The following RGS6 variants were observed in gnomAD, a reference collection of about 807,000 sequenced individuals.
RGS6 encodes regulator of G protein signaling 6.
A neutral mutation model predicts 78.5 loss-of-function variants in RGS6; 30 were observed. The ratio of observed to expected loss-of-function variants is 0.38; its 90% CI spans 0.29 to 0.52. The LOEUF is 0.52. RGS6 is among the 20% of genes least tolerant of loss of function. The pLI is 0.85. For synonymous variants in RGS6, 206 were observed against 206.0 expected, an observed-to-expected ratio of 1.00 and a Z score of 0.00; for missense variants, 495 against 609.7, an observed-to-expected ratio of 0.81 and a Z score of 1.98.
chr14:72,178,574 G>T (rs917420891), intron 2 of RGS6, among the ~76,000 whole-genome samples: 1 of 152,226 alleles, frequency 6.6e-6, no homozygotes, highest in African/African-American at 2.4e-5. Context: ...AGGTCAGTTT[G>T]TCTTTCTATT....
chr14:72,043,936 C>T (rs2092635411), intron 2 of RGS6, among the ~76,000 whole-genome samples: 1 of 152,162 alleles, frequency 6.6e-6, no homozygotes, highest in South Asian at 2.1e-4. Context: ...CCTACTCCTC[C>T]TCTTCCTTGT....
intron 2 of RGS6, among the ~76,000 whole-genome samples, chr14:72,150,248 T>C (rs1191103487): frequency 6.6e-6 from 1 of 152,100 alleles, no homozygotes; most frequent in African/African-American, 2.4e-5. Context: ...CTTGGAGTTA[T>C]GCATCTAGAA....
chr14:72,298,101 C>T (rs1260728852), intron 2 of RGS6, among the ~76,000 whole-genome samples: 1 of 152,052 alleles, frequency 6.6e-6, no homozygotes, highest in Non-Finnish European at 1.5e-5. Flanking sequence ...TCAAGAACTA[C>T]ATTATGGTGG....
chr14:71,965,778 CTG>C (rs34192889), intron 2 of RGS6, among the ~76,000 whole-genome samples: 2,577 of 152,192 alleles, frequency 0.017, 71 homozygotes, highest in African/African-American at 0.057. Context: ...ATTTCTGTGT[CTG>C]TGTGAAAGGT....
At chr14:72,599,409 T>TTG in the RGS6 span, among the ~76,000 whole-genome samples, 11 of 117,012 alleles carry the variant, frequency 9.4e-5, no homozygotes, top group South Asian at 3.2e-4. Flanking sequence ...TTTTTTTTTT[T>TTG]TTTTTTTTTT....
intron 2 of RGS6, among the ~76,000 whole-genome samples, chr14:72,052,949 CTT>C (rs1387767043): frequency 8.3e-5 from 3 of 36,096 alleles, no homozygotes; most frequent in African/African-American, 6.4e-4. Flanking sequence ...TTCTTTCTTT[CTT>C]TCTTTCTTTC....
chr14:72,192,712 G>A (rs1313309376), intron 2 of RGS6, among the ~76,000 whole-genome samples: 2 of 152,148 alleles, frequency 1.3e-5, no homozygotes, highest in Non-Finnish European at 2.9e-5. Context: ...ATAAATAAAG[G>A]CAATAAAAGA....
the RGS6 span, among the ~76,000 whole-genome samples, chr14:71,914,842 A>T: frequency 2.6e-5 from 4 of 151,984 alleles, no homozygotes; most frequent in East Asian, 3.9e-4. Context: ...TTGTGCTCAC[A>T]AAGAAAACAG....
At chr14:71,871,017 T>C in the RGS6 span, among the ~76,000 whole-genome samples, 1 of 152,204 alleles carries the variant, frequency 6.6e-6, no homozygotes, top group Non-Finnish European at 1.5e-5. Flanking sequence ...TGAAATCCTC[T>C]GTTTGACAGT....
chr14:72,616,913 G>A, the RGS6 span, among the ~76,000 whole-genome samples: 4 of 152,118 alleles, frequency 2.6e-5, no homozygotes, highest in South Asian at 2.1e-4. Flanking sequence ...TGCTATCCCC[G>A]CTTTCCAGAT....
intron 2 of RGS6, among the ~76,000 whole-genome samples, chr14:72,267,833 A>T (rs1418739165): frequency 6.6e-6 from 1 of 152,216 alleles, no homozygotes; most frequent in African/African-American, 2.4e-5. Context: ...AAAAGAAAAA[A>T]ATGTATTTTT....
chr14:72,106,365 A>C (rs990987035), intron 2 of RGS6, among the ~76,000 whole-genome samples: 3 of 152,202 alleles, frequency 2.0e-5, no homozygotes, highest in Non-Finnish European at 2.9e-5. Context: ...AGATTTACTA[A>C]ATCAGAAACT....
intron 2 of RGS6, among the ~76,000 whole-genome samples, chr14:72,140,256 C>A (rs1393345843): frequency 6.6e-6 from 1 of 152,194 alleles, no homozygotes; most frequent in Non-Finnish European, 1.5e-5. Flanking sequence ...GCAAGATCTC[C>A]TGTAGGAAGA....
chr14:72,186,576 A>T lies in RGS6; in HGVS notation c.85-165519A>T, dbSNP rs143635677. On this transcript the variant is annotated intron_variant, in intron 2 of 17. Transcript: ENST00000553525. ...AGGTGACCTATTTCTGTCTGGGATA[A>T]TAAAAACATTCCAGATGACTGACGC... Among the ~76,000 whole-genome samples, 1,096 of 152,290 alleles carry T rather than the reference A, an allele frequency of 7.2e-3. 36 individuals carry two copies. The highest frequency in any genetic ancestry group is 0.056 in the Admixed American group (850 of 15,290).
intron 2 of RGS6, among the ~76,000 whole-genome samples, chr14:71,980,136 A>G (rs966681208): frequency 2.5e-5 from 3 of 121,254 alleles, no homozygotes; most frequent in East Asian, 2.3e-4. Context: ...CCATCCTTTT[A>G]TTTTGAGCCT....
the RGS6 span, among the ~76,000 whole-genome samples, chr14:71,880,468 T>C: frequency 6.6e-6 from 1 of 152,132 alleles, no homozygotes; most frequent in East Asian, 1.9e-4. Flanking sequence ...CAGAGTGGTT[T>C]TGTGGGCCAG....
chr14:71,885,284 G>A, the RGS6 span, among the ~76,000 whole-genome samples: 126,108 of 152,224 alleles, frequency 0.83, 52,538 homozygotes, highest in South Asian at 0.9. Flanking sequence ...GAAAATAAAC[G>A]GAAACCAAAC....
At chr14:72,471,217 G>A (rs566755369) in intron 8 of RGS6, among the ~76,000 whole-genome samples, 1 of 152,290 alleles carries the variant, frequency 6.6e-6, no homozygotes, top group South Asian at 2.1e-4. Flanking sequence ...GTTTTTCCCA[G>A]ATTTTTTTCT....
chr14:72,297,646 T>G (rs950096781), intron 2 of RGS6, among the ~76,000 whole-genome samples: 4 of 137,424 alleles, frequency 2.9e-5, no homozygotes, highest in African/African-American at 1.1e-4. Context: ...CATTGTTCAA[T>G]TCCCACCTAT....
Sources: allele counts gnomAD v4.1 joint callset (sites outside exome capture counted in the v4.1 genomes callset), GRCh38; gene constraint gnomAD v4.1.1; transcripts MANE v1.5; gene names NCBI Gene and HGNC (gene_info 2026-07-23, HGNC 2026-07-21).